Variants in SYNDIG1 observed in about 807,000 individuals in gnomAD.
SYNDIG1 encodes the protein synapse differentiation inducing 1, also known as synapse differentiation-inducing gene protein 1.
A neutral mutation model predicts 19.4 loss-of-function variants in SYNDIG1; 9 were observed. The ratio of observed to expected loss-of-function variants is 0.46; its 90% CI spans 0.28 to 0.81. The LOEUF is 0.81. Among genes scored for constraint, SYNDIG1 ranks in the 30% least tolerant of loss-of-function variants. SYNDIG1 has a pLI of 0.12. For missense variants in SYNDIG1, 311 were observed against 343.3 expected (o/e 0.91, Z 0.74); for synonymous variants, 141 against 145.9 (o/e 0.97, Z 0.24).
chr20:24,605,537 T>C (rs919287989), intron 3 of SYNDIG1, among the ~76,000 whole-genome samples: 4 of 152,212 alleles, frequency 2.6e-5, no homozygotes, highest in Admixed American at 2.6e-4. Flanking sequence ...TCCATATAAA[T>C]ATTAATGATC....
At chr20:24,628,629 C>T (rs2059194258) in intron 3 of SYNDIG1, among the ~76,000 whole-genome samples, 1 of 152,200 alleles carries the variant, frequency 6.6e-6, no homozygotes, top group Non-Finnish European at 1.5e-5. Flanking sequence ...TTTGCATTTT[C>T]TGCTCCCCAC....
intron 3 of SYNDIG1, among the ~76,000 whole-genome samples, chr20:24,590,535 C>G (rs2058493042): frequency 6.6e-6 from 1 of 152,110 alleles, no homozygotes; most frequent in Non-Finnish European, 1.5e-5. Flanking sequence ...ACCGTGGAGT[C>G]CTGTGCTGCA....
intron 2 of SYNDIG1, among the ~76,000 whole-genome samples, chr20:24,567,859 C>T (rs548143921): frequency 1.3e-5 from 2 of 152,328 alleles, no homozygotes; most frequent in Non-Finnish European, 2.9e-5. Context: ...CTGGGCCAGG[C>T]GTGGTGGCTC....
intron 3 of SYNDIG1, among the ~76,000 whole-genome samples, chr20:24,634,885 T>C (rs2059299716): frequency 6.6e-6 from 1 of 152,152 alleles, no homozygotes; most frequent in Admixed American, 6.5e-5. Context: ...GGCACTACAG[T>C]CCAGTTCTTT....
At chr20:24,543,705 G>A in intron 2 of SYNDIG1, 128 bp downstream of exon 2, 1 of 1,333,184 alleles carries the variant, frequency 7.5e-7, no homozygotes, top group South Asian at 1.4e-5. Flanking sequence ...GAAACCAAAG[G>A]CAGTCTTGGT....
intron 1 of SYNDIG1, among the ~76,000 whole-genome samples, chr20:24,526,417 A>G (rs922432093): frequency 2.0e-5 from 3 of 152,034 alleles, no homozygotes; most frequent in African/African-American, 7.2e-5. Context: ...TATCCTTGAC[A>G]TTTGCCTATG....
At chr20:24,601,686 T>C (rs1373545744) in intron 3 of SYNDIG1, among the ~76,000 whole-genome samples, 1 of 152,172 alleles carries the variant, frequency 6.6e-6, no homozygotes, top group Non-Finnish European at 1.5e-5. Flanking sequence ...AAAATGACAA[T>C]GTTATTGTTT....
chr20:24,506,191 G>A (rs2056587514), intron 1 of SYNDIG1, among the ~76,000 whole-genome samples: 1 of 152,186 alleles, frequency 6.6e-6, no homozygotes. Context: ...CTGCAGCTGA[G>A]AACATACCCA....
rs551077813 is a variant in SYNDIG1 at position 24,494,173 on chromosome 20, G to A, written c.-79+24420G>A. Among the ~76,000 whole-genome samples the A allele has an allele frequency of 3.6e-3, 548 of 152,342 alleles. 1 individual carries two copies. Among genetic ancestry groups the A allele is most frequent in the Middle Eastern group, 0.014 (4 of 294 alleles). ...CGGGGGCGGGGCGGCGCGCATGGCC[G>A]AGGACTGGATCACTGAGTGCAGATT... is the stretch of plus-strand genomic sequence containing the variant. On this transcript the variant is annotated intron_variant, in intron 1 of 3. Coordinates refer to ENST00000376862, the MANE Select transcript of SYNDIG1 (RefSeq NM_024893.3).
intron 3 of SYNDIG1, among the ~76,000 whole-genome samples, chr20:24,656,460 C>T (rs1049980956): frequency 1.2e-4 from 18 of 152,220 alleles, no homozygotes; most frequent in East Asian, 1.2e-3. Context: ...GGAAAGCAGG[C>T]GTGCTGAGGG....
chr20:24,530,637 T>C (rs1284857347), intron 1 of SYNDIG1, among the ~76,000 whole-genome samples: 1 of 152,092 alleles, frequency 6.6e-6, no homozygotes, highest in Non-Finnish European at 1.5e-5. Context: ...CTTCTAACAG[T>C]GTTAGGGTTT....
chr20:24,505,707 C>T (rs148072497), intron 1 of SYNDIG1, among the ~76,000 whole-genome samples: 31 of 152,302 alleles, frequency 2.0e-4, no homozygotes, highest in African/African-American at 5.8e-4. Flanking sequence ...CCTTAGGAGA[C>T]CAAGTCCTGG....
intron 1 of SYNDIG1, among the ~76,000 whole-genome samples, chr20:24,541,654 G>T (rs747379136): frequency 6.6e-6 from 1 of 152,200 alleles, no homozygotes; most frequent in African/African-American, 2.4e-5. Flanking sequence ...AAAGTGTTTG[G>T]TCAAGAGAAG....
intron 3 of SYNDIG1, among the ~76,000 whole-genome samples, chr20:24,616,292 A>G (rs905529369): frequency 3.3e-5 from 5 of 152,206 alleles, no homozygotes; most frequent in African/African-American, 1.2e-4. Flanking sequence ...TAAGAAGGTG[A>G]GGTTCCCCAC....
chr20:24,503,179 G>T (rs2056498287), intron 1 of SYNDIG1, among the ~76,000 whole-genome samples: 1 of 152,178 alleles, frequency 6.6e-6, no homozygotes, highest in African/African-American at 2.4e-5. Context: ...GGACTGTGGG[G>T]GAAGGCAGGC....
At chr20:24,665,302 C>A in intron 3 of SYNDIG1, 44 bp from the exon 4 acceptor site, 1 of 1,566,798 alleles carries the variant, frequency 6.4e-7, no homozygotes. Flanking sequence ...CTGCTTGTTC[C>A]GACTTGCTTA....
At chr20:24,572,608 G>C (rs1192900177) in intron 2 of SYNDIG1, among the ~76,000 whole-genome samples, 1 of 152,164 alleles carries the variant, frequency 6.6e-6, no homozygotes, top group Non-Finnish European at 1.5e-5. Context: ...TGGTGCCCTT[G>C]GGTGGAGGAC....
intron 3 of SYNDIG1, among the ~76,000 whole-genome samples, chr20:24,633,770 G>A (rs896395341): frequency 2.6e-5 from 4 of 152,150 alleles, no homozygotes; most frequent in African/African-American, 9.7e-5. Flanking sequence ...AGACTCCTGA[G>A]GTAACACATG....
chr20:24,627,815 C>A (rs367567556), intron 3 of SYNDIG1, among the ~76,000 whole-genome samples: 68 of 152,368 alleles, frequency 4.5e-4, no homozygotes, highest in African/African-American at 1.6e-3. Flanking sequence ...AATAAGCCCC[C>A]TCTTCAGCAC....
Sources: gnomAD v4.1 joint callset for allele counts (sites outside exome capture counted in the v4.1 genomes callset) on GRCh38, gnomAD v4.1.1 for gene constraint, MANE v1.5 for transcripts, NCBI Gene and HGNC (gene_info 2026-07-23, HGNC 2026-07-21) for gene names.